The following CTNND1 variants were observed in gnomAD, a reference collection of about 807,000 sequenced individuals.
CTNND1 encodes the protein catenin delta 1.
In CTNND1, 16 loss-of-function variants were observed where a neutral mutation model predicts 112.1. The observed-to-expected ratio is 0.14, with a 90% CI of 0.10 to 0.22. The LOEUF is 0.22. Ranked by LOEUF, CTNND1 falls within the 10% of genes least tolerant of loss-of-function variation. The pLI is 1.00. For missense variants in CTNND1, 1,008 were observed against 1,257.0 expected, an observed-to-expected ratio of 0.80 and a Z score of 3.00; for synonymous variants, 420 against 446.5, an observed-to-expected ratio of 0.94 and a Z score of 0.75.
In CTNND1 at chr11:57,814,383, T is replaced by G; in HGVS notation, c.2701+10T>G. ...AACACAAAATCACTAGGTAGGTGAT[T>G]AATTCCTGCCTAAGGATGTGGAGTA... is the stretch of plus-strand genomic sequence containing the variant. On this transcript the variant is annotated intron_variant, in intron 18 of 20. Coordinates refer to ENST00000399050, the MANE Select transcript of CTNND1 (RefSeq NM_001085458.2). The G allele has an allele frequency of 6.3e-7, 1 of 1,597,604 alleles. No individual in the cohort carries two copies. Among genetic ancestry groups the G allele is most frequent in the South Asian group, 1.1e-5 (1 of 89,158 alleles).
intron 17 of CTNND1, among the ~76,000 whole-genome samples, chr11:57,811,800 G>GA (rs397700493): frequency 2.0e-5 from 3 of 151,354 alleles, no homozygotes; most frequent in African/African-American, 7.3e-5. Context: ...TATTGTAATA[G>GA]TTACTATTTT....
At position 57,790,552 on chromosome 11, in the gene CTNND1, G is replaced by GTGTT. The variant is rs1555049392; in HGVS notation, c.-94-832_-94-831insGTTT. 3.4e-3 allele frequency among the ~76,000 whole-genome samples: 208 copies of GTGTT among 60,612 alleles called. 1 individual carries two copies. The highest frequency in any genetic ancestry group is 0.015 in the East Asian group (29 of 1,960). 39.8% of individuals were successfully genotyped at this position (60,612 alleles called of 152,430 possible). ...CCCGGCTAATTTTGTCTGTGTGTGT[G>GTGTT]TTTTTTTTTTTTTTTTTTTTTTTGA... On this transcript the variant is annotated intron_variant, in intron 2 of 20. Transcript: ENST00000399050.
Position 57,761,998 on chromosome 11 carries a change from C to G in CTNND1, c.-335C>G, listed in dbSNP as rs1949957376. 1 of 985,394 alleles carries G rather than the reference C, an allele frequency of 1.0e-6. No homozygotes were observed. The highest frequency in any genetic ancestry group is 1.2e-6 in the Non-Finnish European group (1 of 829,942). 61.0% of individuals were successfully genotyped at this position (985,394 alleles called of 1,614,324 possible). On this transcript the variant is annotated 5_prime_UTR_variant, in exon 1 of 21. Coordinates refer to ENST00000399050, the MANE Select transcript of CTNND1 (RefSeq NM_001085458.2). ...TGTCTTTCTCAGCACCTTGGCGAAG[C>G]CTTGGGTTTCTTTCTTAAAGGACTG... is the stretch of plus-strand genomic sequence containing the variant.
At chr11:57,794,659 C>A (rs1444977905) in intron 4 of CTNND1, among the ~76,000 whole-genome samples, 1 of 151,814 alleles carries the variant, frequency 6.6e-6, no homozygotes, top group Non-Finnish European at 1.5e-5. Flanking sequence ...GTGGCACATG[C>A]CTGTAATCCC....
rs189241755 is a variant in CTNND1, at chr11:57,762,158, G to A, written c.-214+39G>A. Reference sequence around the variant, plus strand: ...ATTAAAAAACGGGAGAGTCTGTTATGCTGATGAGTAACTTTTAAGCAATTA... The same window carrying A: ...ATTAAAAAACGGGAGAGTCTGTTATACTGATGAGTAACTTTTAAGCAATTA... On this transcript the variant is annotated intron_variant, in intron 1 of 20. Coordinates refer to ENST00000399050, the MANE Select transcript of CTNND1 (RefSeq NM_001085458.2). 562 of 887,020 alleles carry A rather than the reference G, an allele frequency of 6.3e-4. 2 individuals are homozygous for A. The highest frequency in any genetic ancestry group is 7.0e-4 in the Non-Finnish European group (521 of 740,078). 54.9% of individuals were successfully genotyped at this position (887,020 alleles called of 1,614,324 possible). A position where few individuals can be genotyped will look rare whatever the true frequency, so the allele number is the denominator to read the frequency against.
At chr11:57,806,123 C>A (rs748539317) in intron 10 of CTNND1, 88 bp downstream of exon 10, 48 of 1,465,546 alleles carry the variant, frequency 3.3e-5, no homozygotes, top group Non-Finnish European at 4.1e-5. Context: ...TACTTGGCAA[C>A]AGTATGGGAG....
chr11:57,786,698 C>T (rs1393777091), intron 1 of CTNND1, among the ~76,000 whole-genome samples: 2 of 152,118 alleles, frequency 1.3e-5, no homozygotes, highest in East Asian at 1.9e-4. Context: ...AGTCTCCAAG[C>T]GATGAGACCA....
Position 57,761,886 on chromosome 11 carries a change from AAGAG to A in CTNND1, c.-442_-439del. 6 of 985,368 alleles carry A rather than the reference AAGAG, an allele frequency of 6.1e-6. No individual in the cohort carries two copies. The South Asian group carries it at 1.9e-4, about 31-fold the overall frequency. The allele number at this position is 985,368 out of a possible 1,614,324, so 61.0% of individuals were successfully genotyped here. ...GGTGTTGGATCTGAGGGGGAAAAAAAAGAGAGAGGGAGAGAGAGAGAAAGAAGAG... is the reference window on the plus strand; with the variant it reads ...GGTGTTGGATCTGAGGGGGAAAAAAAAGAGGGAGAGAGAGAGAAAGAAGAG... On this transcript the variant is annotated 5_prime_UTR_variant, in exon 1 of 21. Coordinates refer to ENST00000399050, the MANE Select transcript of CTNND1 (RefSeq NM_001085458.2).
At chr11:57,794,668 C>G (rs532102061) in intron 4 of CTNND1, among the ~76,000 whole-genome samples, 1 of 151,782 alleles carries the variant, frequency 6.6e-6, no homozygotes, top group Non-Finnish European at 1.5e-5. Context: ...GCCTGTAATC[C>G]CAGCTACTCG....
chr11:57,794,117 C>A, intron 4 of CTNND1, 36 bp downstream of exon 4: 2 of 1,587,344 alleles, frequency 1.3e-6, no homozygotes, highest in South Asian at 1.1e-5. Flanking sequence ...TTGCTTCATT[C>A]ATATTTTCTT....
Position 57,806,021 on chromosome 11 carries a change from C to A in CTNND1, c.1862C>A (p.Ala621Asp). 6.2e-7 allele frequency: 1 copy of A among 1,610,626 alleles called. No individual in the cohort carries two copies. Among genetic ancestry groups the A allele is most frequent in the Non-Finnish European group, 8.5e-7 (1 of 1,178,218 alleles). The change falls in exon 10 of 21, where the codon GCC (alanine) becomes GAC (aspartate). Residue 621 changes from alanine (A) to aspartate (D), a missense_variant. Physicochemically the swap from Ala to Asp is moderately radical, Grantham distance 126 (BLOSUM62 -2). Transcript: ENST00000399050. ...CCACATGCTGCCAGTTGCTTTGGGG[C>A]CAAGAAGGGCAAAGGTGAGTCTTGG... ...TGPHAASCFG[A>D]KKGKDEWFSR...
rs369782234 is a variant in CTNND1 at position 57,791,538 on chromosome 11, G to T, written c.60G>T (p.Glu20Asp). 3 of 1,608,614 alleles carry T rather than the reference G, an allele frequency of 1.9e-6. No individual in the cohort carries two copies. Among genetic ancestry groups the T allele is most frequent in the Non-Finnish European group, 2.5e-6 (3 of 1,177,882 alleles). The change falls in exon 3 of 21, where the codon GAG (glutamate) becomes GAT (aspartate). Residue 20 changes from glutamate to aspartate, a missense_variant. By Grantham distance (45) the Glu-to-Asp change is conservative (BLOSUM62 2). Coordinates refer to ENST00000399050, the MANE Select transcript of CTNND1 (RefSeq NM_001085458.2). Reference sequence around the variant, plus strand: ...TCTTGGCCTCTGTGAAGGAACAAGAGGCCCAGTTTGAGAAGCTGACCCGGG... The same window carrying T: ...TCTTGGCCTCTGTGAAGGAACAAGATGCCCAGTTTGAGAAGCTGACCCGGG... ...ASILASVKEQ[E>D]AQFEKLTRAL... is the part of the protein sequence containing the mutation.
chr11:57,803,208 C>T (rs3781885), intron 7 of CTNND1, among the ~76,000 whole-genome samples: 35,952 of 152,076 alleles, frequency 0.24, 5,056 homozygotes, highest in Non-Finnish European at 0.32. Context: ...CATGGGTTCA[C>T]GCCATTCTCC....
intron 17 of CTNND1, among the ~76,000 whole-genome samples, chr11:57,812,025 C>A (rs1043019213): frequency 2.0e-5 from 3 of 151,876 alleles, no homozygotes; most frequent in Non-Finnish European, 2.9e-5. Flanking sequence ...TTGGCTTTTT[C>A]CTTGATTATT....
At chr11:57,783,368 G>C (rs1467323612) in intron 1 of CTNND1, among the ~76,000 whole-genome samples, 1 of 151,890 alleles carries the variant, frequency 6.6e-6, no homozygotes, top group Non-Finnish European at 1.5e-5. Flanking sequence ...TATAAGCACT[G>C]ATAAGAAGCC....
At chr11:57,770,826 G>A (rs1434298121) in intron 1 of CTNND1, among the ~76,000 whole-genome samples, 1 of 152,152 alleles carries the variant, frequency 6.6e-6, no homozygotes, top group East Asian at 1.9e-4. Flanking sequence ...TTCATTGCAA[G>A]TGAAGTAAAT....
At chr11:57,787,055 C>T (rs545208904) in intron 1 of CTNND1, among the ~76,000 whole-genome samples, 1 of 152,230 alleles carries the variant, frequency 6.6e-6, no homozygotes, top group African/African-American at 2.4e-5. Context: ...GTTTCTTCAC[C>T]CATGAGTCTT....
At chr11:57,771,852 C>G (rs1206885734) in intron 1 of CTNND1, among the ~76,000 whole-genome samples, 3 of 151,954 alleles carry the variant, frequency 2.0e-5, no homozygotes, top group Non-Finnish European at 2.9e-5. Context: ...GGTTGATTAC[C>G]TTTGTCTTAG....
intron 1 of CTNND1, among the ~76,000 whole-genome samples, chr11:57,782,220 G>A (rs188351869): frequency 2.0e-4 from 31 of 152,170 alleles, no homozygotes; most frequent in East Asian, 3.9e-4. Flanking sequence ...TTTCTCTGAC[G>A]TTCCAATCAG....
Sources: allele counts gnomAD v4.1 joint callset (sites outside exome capture counted in the v4.1 genomes callset), GRCh38; gene constraint gnomAD v4.1.1; transcripts MANE v1.5; gene names NCBI Gene and HGNC (gene_info 2026-07-23, HGNC 2026-07-21).